EIF2B1: variants seen among roughly 807,000 people sequenced by gnomAD.
EIF2B1 encodes the protein translation initiation factor eIF2B subunit alpha.
EIF2B1 carries 30 observed loss-of-function variants against 36.8 expected under a neutral mutation model. The observed-to-expected ratio is 0.81, with a 90% CI of 0.61 to 1.10. EIF2B1 has a LOEUF of 1.10. EIF2B1 is among the 50% of genes least tolerant of loss of function. The pLI, the probability that EIF2B1 is intolerant of heterozygous loss-of-function variation, is 0.00. For missense variants in EIF2B1, 271 were observed against 374.8 expected (o/e 0.72, Z 2.29); for synonymous variants, 139 against 142.2 (o/e 0.98, Z 0.16).
chr12:123,628,792 C>T (rs1343636480), intron 4 of EIF2B1, among the ~76,000 whole-genome samples: 12 of 152,130 alleles, frequency 7.9e-5, no homozygotes, highest in Admixed American at 7.9e-4. Flanking sequence ...GACCCTAGCC[C>T]AAACCCACTG....
At chr12:123,624,669 G>T in intron 7 of EIF2B1, 118 bp downstream of exon 7, 1 of 857,520 alleles carries the variant, frequency 1.2e-6, no homozygotes, top group Non-Finnish European at 2.0e-6. Flanking sequence ...ATACCATGAT[G>T]AAGTCCTGAA....
chr12:123,624,077 T>A (rs1173548643), intron 7 of EIF2B1, among the ~76,000 whole-genome samples: 1 of 148,868 alleles, frequency 6.7e-6, no homozygotes. Context: ...ATACACGTAT[T>A]TTATACATAC....
chr12:123,626,981 G>A (rs1277626324), intron 5 of EIF2B1, 63 bp downstream of exon 5: 3 of 1,461,792 alleles, frequency 2.1e-6, no homozygotes, highest in African/African-American at 1.4e-5. Context: ...CTGTTGGACT[G>A]TAATCCGCAG....
In EIF2B1 at chr12:123,621,351, G is replaced by T; in HGVS notation, c.*405C>A. 3.0e-6 allele frequency: 1 copy of T among 331,874 alleles called. No homozygotes were observed. Among genetic ancestry groups the T allele is most frequent in the African/African-American group, 2.1e-5 (1 of 46,532 alleles). The allele number at this position is 331,874 out of a possible 1,614,324, so 20.6% of individuals were successfully genotyped here. ...GGCACCGCGTGTAACGTCCTGACCA[G>T]CTGTTGGTCATTTGTGGCAGAGGGG... On this transcript the variant is annotated 3_prime_UTR_variant, in exon 9 of 9. Transcript: ENST00000424014.
intron 5 of EIF2B1, 191 bp downstream of exon 5, chr12:123,626,853 T>A (rs117835143): frequency 7.0e-6 from 5 of 711,262 alleles, no homozygotes; most frequent in Admixed American, 2.0e-5. Context: ...GTGAAACCCC[T>A]AGATCATATA....
rs1955200729 is a variant in EIF2B1 at position 123,632,387 on chromosome 12, C to A, written c.73G>T (p.Ala25Ser). The A allele has an allele frequency of 6.2e-7, 1 of 1,613,864 alleles. No homozygotes were observed. Among genetic ancestry groups the A allele is most frequent in the Non-Finnish European group, 8.5e-7 (1 of 1,179,912 alleles). Reference protein sequence around the residue: ...KEDPDMASAVAAIRTLLEFLK... With the variant: ...KEDPDMASAVSAIRTLLEFLK... ...AACTCCAGCAACGTCCGGATGGCAG[C>A]CACTGCTGAGGCCATGTCAGGATCT... is the stretch of plus-strand genomic sequence containing the variant. The change falls in exon 2 of 9, where the codon GCT (alanine) becomes TCT (serine). Residue 25 changes from alanine (A) to serine (S), a missense_variant. Transcript: ENST00000424014.
rs112128656 is a variant in EIF2B1, at chr12:123,625,262, C to CT, written c.552-401dup. Among the ~76,000 whole-genome samples the CT allele has an allele frequency of 9.9e-3, 1,455 of 147,584 alleles. 23 individuals carry two copies. The highest frequency in any genetic ancestry group is 0.033 in the African/African-American group (1,342 of 40,530). On this transcript the variant is annotated intron_variant, in intron 6 of 8. Coordinates refer to ENST00000424014, the MANE Select transcript of EIF2B1 (RefSeq NM_001414.4). Reference sequence around the variant, plus strand: ...GTGTTATGCAGTTTTAAAAATCTTTCTTTTTTTTTTTGAGACCAGATCTCA... The same window carrying CT: ...GTGTTATGCAGTTTTAAAAATCTTTCTTTTTTTTTTTTGAGACCAGATCTCA...
In EIF2B1 at chr12:123,621,694, A is replaced by G; in HGVS notation, c.*62T>C. On this transcript the variant is annotated 3_prime_UTR_variant, in exon 9 of 9. Coordinates refer to ENST00000424014, the MANE Select transcript of EIF2B1 (RefSeq NM_001414.4). ...TTTTGGCCTGACTCACTGGGGTGTC[A>G]AGCAGCTACTCACCCTGCCTCAACT... 2 of 1,609,030 alleles carry G rather than the reference A, an allele frequency of 1.2e-6. No homozygotes were observed. The highest frequency in any genetic ancestry group is 1.7e-5 in the Admixed American group (1 of 59,980).
Position 123,630,039 on chromosome 12 carries a change from G to T in EIF2B1, c.369+130C>A. 1 of 815,644 alleles carries T rather than the reference G, an allele frequency of 1.2e-6. No homozygotes were observed. The highest frequency in any genetic ancestry group is 2.1e-6 in the Non-Finnish European group (1 of 469,422). 50.5% of individuals were successfully genotyped at this position (815,644 alleles called of 1,614,324 possible). The stretch of plus-strand genomic sequence containing the variant: ...TCATCCTTATTTAACAGATGAGAAA[G>T]CTGCACAGACAGGTTAAGTTACTTG... On this transcript the variant is annotated intron_variant, in intron 4 of 8. Transcript: ENST00000424014. The surrounding 1 kb of genome is among the most constrained non-coding windows in gnomAD (Gnocchi z 4.6).
Position 123,626,483 on chromosome 12 carries a change from C to G in EIF2B1, c.493G>C (p.Ala165Pro). The change falls in exon 6 of 9, where the codon GCC becomes CCC. Residue 165 changes from alanine to proline, a missense_variant. Physicochemically the swap from Ala to Pro is conservative, Grantham distance 27. Transcript: ENST00000424014. ...ACGTTGAGGTGGCAGAGGGCTTTGG[C>G]CATTTTCTTACTGAAGATGACATTT... is the stretch of plus-strand genomic sequence containing the variant. ...SQPDLSGKKMAKALCHLNVPV... is the reference protein window; with the variant it reads ...SQPDLSGKKMPKALCHLNVPV... 1 of 1,614,062 alleles carries G rather than the reference C, an allele frequency of 6.2e-7. No homozygotes were observed. Among genetic ancestry groups the G allele is most frequent in the Non-Finnish European group, 8.5e-7 (1 of 1,179,974 alleles).
Position 123,630,300 on chromosome 12 carries a change from G to A in EIF2B1, c.253-15C>T. 6.2e-7 allele frequency: 1 copy of A among 1,614,022 alleles called. No individual in the cohort carries two copies. The highest frequency in any genetic ancestry group is 8.5e-7 in the Non-Finnish European group (1 of 1,179,924). On this transcript the variant is annotated splice_polypyrimidine_tract_variant and intron_variant, in intron 3 of 8. Coordinates refer to ENST00000424014, the MANE Select transcript of EIF2B1 (RefSeq NM_001414.4). This position sits in a 1 kb window ranked among gnomAD's most constrained non-coding sequence, Gnocchi z 4.6. Reference sequence around the variant, plus strand: ...TTGGAGTAATCCTAGGAAGAAAAGAGCAAACTGAGGGGACAGGGAAGATCC... The same window carrying A: ...TTGGAGTAATCCTAGGAAGAAAAGAACAAACTGAGGGGACAGGGAAGATCC...
Position 123,626,442 on chromosome 12 carries a change from C to T in EIF2B1, c.534G>A (p.Val178=), listed in dbSNP as rs763347798. Residue 178 remains valine, a synonymous_variant, in exon 6 of 9, where the codon GTG becomes GTA. Coordinates refer to ENST00000424014, the MANE Select transcript of EIF2B1 (RefSeq NM_001414.4). The part of the protein sequence containing the change: ...LCHLNVPVTV[V]LDAAVGYIME... ...GCACTCACCCGACAGCAGCATCTAGCACCACAGTGACAGGGACGTTGAGGT... is the reference window on the plus strand; with the variant it reads ...GCACTCACCCGACAGCAGCATCTAGTACCACAGTGACAGGGACGTTGAGGT... The T allele has an allele frequency of 3.1e-6, 5 of 1,614,008 alleles. No homozygotes were observed. The South Asian group carries it at 5.5e-5, about 18-fold the overall frequency.
chr12:123,621,693 C>G lies in EIF2B1; in HGVS notation c.*63G>C. On this transcript the variant is annotated 3_prime_UTR_variant, in exon 9 of 9. Transcript: ENST00000424014. ...GTTTTGGCCTGACTCACTGGGGTGTCAAGCAGCTACTCACCCTGCCTCAAC... is the reference window on the plus strand; with the variant it reads ...GTTTTGGCCTGACTCACTGGGGTGTGAAGCAGCTACTCACCCTGCCTCAAC... 6.2e-7 allele frequency: 1 copy of G among 1,608,638 alleles called. No homozygotes were observed. The highest frequency in any genetic ancestry group is 8.5e-7 in the Non-Finnish European group (1 of 1,177,268).
At chr12:123,626,736 G>T (rs1955151540) in intron 5 of EIF2B1, 5 of 636,668 alleles carry the variant, frequency 7.9e-6, no homozygotes, top group Non-Finnish European at 1.4e-5. Flanking sequence ...AAAGGAGGAA[G>T]TTTTGCTTTG....
Position 123,622,626 on chromosome 12 carries a change from A to G in EIF2B1, c.753+10T>C. On this transcript the variant is annotated intron_variant, in intron 8 of 8. Coordinates refer to ENST00000424014, the MANE Select transcript of EIF2B1 (RefSeq NM_001414.4). ...ACTTTAGTACCCCTTCAAATATGTA[A>G]AACTCTTGCCTTAAACTTATCTGGG... 6.2e-7 allele frequency: 1 copy of G among 1,614,016 alleles called. No individual in the cohort carries two copies. Among genetic ancestry groups the G allele is most frequent in the Non-Finnish European group, 8.5e-7 (1 of 1,179,862 alleles).
chr12:123,624,472 C>A (rs1180504543), intron 7 of EIF2B1, among the ~76,000 whole-genome samples: 1 of 152,064 alleles, frequency 6.6e-6, no homozygotes, highest in Non-Finnish European at 1.5e-5. Context: ...GTTGCCCAGG[C>A]TGGTCTTGAA....
intron 6 of EIF2B1, chr12:123,626,215 C>G: frequency 1.7e-6 from 1 of 598,256 alleles, no homozygotes; most frequent in African/African-American, 1.9e-5. Flanking sequence ...ACACAACTCC[C>G]ACTCTCCCCA....
In EIF2B1 at chr12:123,624,804, C is replaced by T. The variant is rs375037006; in HGVS notation, c.610G>A (p.Gly204Arg). Residue 204 changes from glycine to arginine, a missense_variant, in exon 7 of 9, where the codon GGA becomes AGA. By Grantham distance (125) the Gly-to-Arg change is moderately radical (BLOSUM62 -2). Coordinates refer to ENST00000424014, the MANE Select transcript of EIF2B1 (RefSeq NM_001414.4). Reference sequence around the variant, plus strand: ...GCTCTTACCTTGTTAATAATTCCTCCGTTTTCAACAACTCCTTCAGCACCA... The same window carrying T: ...GCTCTTACCTTGTTAATAATTCCTCTGTTTTCAACAACTCCTTCAGCACCA... ...IVGAEGVVEN[G>R]GIINKIGTNQ... is the part of the protein sequence containing the mutation. 1.9e-5 allele frequency: 30 copies of T among 1,613,840 alleles called. No homozygotes were observed. The highest frequency in any genetic ancestry group is 3.3e-5 in the Admixed American group (2 of 59,998).
At chr12:123,629,724 C>T (rs1384391730) in intron 4 of EIF2B1, among the ~76,000 whole-genome samples, 1 of 152,124 alleles carries the variant, frequency 6.6e-6, no homozygotes, top group African/African-American at 2.4e-5. Context: ...ACCCAGGAGG[C>T]GGAGCTTGCA....
Sources: allele counts gnomAD v4.1 joint callset (sites outside exome capture counted in the v4.1 genomes callset), GRCh38; gene constraint gnomAD v4.1.1; non-coding constraint Gnocchi (gnomAD v3.1); transcripts MANE v1.5; gene names NCBI Gene and HGNC (gene_info 2026-07-23, HGNC 2026-07-21).